ANKRD44: variants seen among roughly 807,000 people sequenced by gnomAD.
The protein encoded by ANKRD44 is serine/threonine-protein phosphatase 6 regulatory ankyrin repeat subunit B.
In ANKRD44, 35 loss-of-function variants were observed where a neutral mutation model predicts 116.0. That is an observed-to-expected ratio of 0.30 (90% CI 0.23 to 0.40). The LOEUF (loss-of-function observed/expected upper bound fraction) is 0.40. ANKRD44 is among the 10% of genes least tolerant of loss of function. The probability of loss-of-function intolerance (pLI) is 1.00; values close to 1 mark genes in which losing one functional copy is unlikely to be tolerated. For synonymous variants in ANKRD44, 435 were observed against 461.8 expected (o/e 0.94, Z 0.74); for missense variants, 1,014 against 1,242.6 (o/e 0.82, Z 2.77).
intron 1 of ANKRD44, among the ~76,000 whole-genome samples, chr2:197,284,303 T>C (rs1207151997): frequency 6.6e-6 from 1 of 152,132 alleles, no homozygotes; most frequent in Non-Finnish European, 1.5e-5. Flanking sequence ...GCATTCCCTA[T>C]CATCCCTCAG....
rs112652446 is a variant in ANKRD44 at position 197,226,695 on chromosome 2, T to C, written c.28-39589A>G. On this transcript the variant is annotated intron_variant, in intron 1 of 27. Transcript: ENST00000282272. ...AAGTTTCCCTGGTGATTCTGATGTA[T>C]AGTGAGGGTCAGGTACCACTAATCC... Among the ~76,000 whole-genome samples the C allele has an allele frequency of 2.0e-5, 3 of 152,068 alleles. 1 individual carries two copies. The highest frequency in any genetic ancestry group is 7.2e-5 in the African/African-American group (3 of 41,510).
intron 1 of ANKRD44, among the ~76,000 whole-genome samples, chr2:197,280,920 G>A (rs2083245439): frequency 6.6e-6 from 1 of 152,076 alleles, no homozygotes; most frequent in Non-Finnish European, 1.5e-5. Flanking sequence ...TCTTTCTGGA[G>A]TCTGGTCAGT....
chr2:197,039,220 A>G (rs2076862462), intron 16 of ANKRD44, among the ~76,000 whole-genome samples: 1 of 152,154 alleles, frequency 6.6e-6, no homozygotes, highest in African/African-American at 2.4e-5. Flanking sequence ...TACATCTTGG[A>G]GACAGGATAG....
At chr2:197,099,661 G>T in intron 10 of ANKRD44, 155 bp downstream of exon 10, 2 of 1,321,306 alleles carry the variant, frequency 1.5e-6, no homozygotes, top group Non-Finnish European at 1.9e-6. Context: ...TCATTAAAAG[G>T]CACTTAATTT....
chr2:197,266,879 G>A (rs181387889), intron 1 of ANKRD44, among the ~76,000 whole-genome samples: 6 of 151,832 alleles, frequency 4.0e-5, no homozygotes, highest in East Asian at 3.9e-4. Context: ...TGTCCTATAC[G>A]GTCTGTTAAA....
intron 1 of ANKRD44, among the ~76,000 whole-genome samples, chr2:197,303,546 T>G (rs2083977176): frequency 6.6e-6 from 1 of 152,208 alleles, no homozygotes; most frequent in South Asian, 2.1e-4. Context: ...AACAGATGTT[T>G]CCACAAGTCT....
At chr2:197,081,813 A>C in intron 14 of ANKRD44, 88 bp from the exon 15 acceptor site, 1 of 1,075,258 alleles carries the variant, frequency 9.3e-7, no homozygotes, top group Non-Finnish European at 1.4e-6. Flanking sequence ...TTTATATCTC[A>C]ATGATTTTTA....
chr2:197,295,961 G>A (rs2083709813), intron 1 of ANKRD44, among the ~76,000 whole-genome samples: 1 of 151,956 alleles, frequency 6.6e-6, no homozygotes, highest in Non-Finnish European at 1.5e-5. Context: ...AGGCTGAAGC[G>A]GGAGGATCAC....
chr2:196,986,971 A>G lies in ANKRD44; in HGVS notation c.*2620T>C. 1.0e-6 allele frequency: 1 copy of G among 985,462 alleles called. No individual in the cohort carries two copies. The highest frequency in any genetic ancestry group is 1.2e-6 in the Non-Finnish European group (1 of 829,918). 61.0% of individuals were successfully genotyped at this position (985,462 alleles called of 1,614,324 possible). A position where few individuals can be genotyped will look rare whatever the true frequency, so the allele number is the denominator to read the frequency against. On this transcript the variant is annotated 3_prime_UTR_variant, in exon 28 of 28. Coordinates refer to ENST00000282272, the MANE Select transcript of ANKRD44 (RefSeq NM_001195144.2). ...TGCTGTTACAAATATGTTATGCAAAATATAACACTGGCACCAGATTTGTAT... is the reference window on the plus strand; with the variant it reads ...TGCTGTTACAAATATGTTATGCAAAGTATAACACTGGCACCAGATTTGTAT...
chr2:197,262,631 T>C (rs1405504921), intron 1 of ANKRD44, among the ~76,000 whole-genome samples: 1 of 152,196 alleles, frequency 6.6e-6, no homozygotes, highest in East Asian at 1.9e-4. Flanking sequence ...AGGTCAGGCA[T>C]GGTGGCTCAT....
chr2:197,075,925 C>T (rs1431670697), intron 16 of ANKRD44, among the ~76,000 whole-genome samples: 4 of 152,062 alleles, frequency 2.6e-5, no homozygotes, highest in African/African-American at 9.7e-5. Context: ...CTTGAGTAGA[C>T]AGGAGGAGGC....
intron 21 of ANKRD44, among the ~76,000 whole-genome samples, chr2:196,970,019 A>C (rs909981543): frequency 6.6e-5 from 10 of 152,196 alleles, no homozygotes; most frequent in African/African-American, 2.4e-4. Flanking sequence ...CAAAATTTTA[A>C]AGTGGAGATA....
intron 1 of ANKRD44, among the ~76,000 whole-genome samples, chr2:197,240,838 C>T (rs2082075740): frequency 6.7e-6 from 1 of 149,640 alleles, no homozygotes; most frequent in Non-Finnish European, 1.5e-5. Flanking sequence ...CCCCCAACAC[C>T]CTCTCTTAAA....
intron 13 of ANKRD44, among the ~76,000 whole-genome samples, chr2:197,083,909 T>G (rs570723221): frequency 1.3e-5 from 2 of 152,176 alleles, no homozygotes; most frequent in Admixed American, 1.3e-4. Context: ...CCATCTACCA[T>G]GGATCTGTCC....
chr2:197,135,409 C>CTTCAAGGCTGACATTCACCAGGG (rs1333255990), intron 4 of ANKRD44: 1 of 152,280 alleles, frequency 6.6e-6, no homozygotes, highest in Non-Finnish European at 1.5e-5. Context: ...TCTGACCAGG[C>CTTCAAGGCTGACATTCACCAGGG]TTCAAGGCTG....
At chr2:197,079,768 C>A (rs1429720545) in intron 15 of ANKRD44, among the ~76,000 whole-genome samples, 2 of 152,010 alleles carry the variant, frequency 1.3e-5, no homozygotes, top group African/African-American at 4.8e-5. Context: ...TTAAATAAGA[C>A]CTTCCAATAG....
At chr2:197,113,413 T>A (rs538003615) in intron 8 of ANKRD44, among the ~76,000 whole-genome samples, 7 of 152,366 alleles carry the variant, frequency 4.6e-5, no homozygotes, top group Admixed American at 1.3e-4. Context: ...TAGGTGGTGC[T>A]ATTTCTTTAA....
At chr2:197,226,925 C>G (rs2081731632) in intron 1 of ANKRD44, among the ~76,000 whole-genome samples, 1 of 152,010 alleles carries the variant, frequency 6.6e-6, no homozygotes, top group African/African-American at 2.4e-5. Context: ...AAAAAGGGAC[C>G]ACAATATGGA....
chr2:197,158,819 C>T (rs764674973), intron 2 of ANKRD44, among the ~76,000 whole-genome samples: 3 of 152,146 alleles, frequency 2.0e-5, no homozygotes, highest in Non-Finnish European at 4.4e-5. Context: ...ATCCACCATA[C>T]GCCAAGCACC....
Sources: gnomAD v4.1 joint callset for allele counts (sites outside exome capture counted in the v4.1 genomes callset) on GRCh38, gnomAD v4.1.1 for gene constraint, MANE v1.5 for transcripts, NCBI Gene and HGNC (gene_info 2026-07-23, HGNC 2026-07-21) for gene names.